Variants in CLK2 observed in about 807,000 individuals in gnomAD.
CLK2 encodes the protein dual specificity protein kinase CLK2.
A neutral mutation model predicts 73.5 loss-of-function variants in CLK2; 12 were observed. That is an observed-to-expected ratio of 0.16 (90% CI 0.10 to 0.26). The LOEUF (loss-of-function observed/expected upper bound fraction) is 0.26, where lower values mean the gene tolerates loss of function less well. Among genes scored for constraint, CLK2 ranks in the 10% least tolerant of loss-of-function variants. The pLI is 1.00. For missense variants in CLK2, 509 were observed against 688.4 expected (o/e 0.74, Z 2.92); for synonymous variants, 232 against 237.9 (o/e 0.98, Z 0.23).
Position 155,268,810 on chromosome 1 carries a change from G to C in CLK2, c.400-15C>G, listed in dbSNP as rs758606358. The C allele has an allele frequency of 1.5e-5, 24 of 1,606,400 alleles. No homozygotes were observed. Among genetic ancestry groups the C allele is most frequent in the Admixed American group, 6.7e-5 (4 of 59,936 alleles). ...CTGCTGTGCTGCTGTCGGGGGGCAGGGGGGGTCGGAGCAAGCCAGGTGTCG... is the reference window on the plus strand; with the variant it reads ...CTGCTGTGCTGCTGTCGGGGGGCAGCGGGGGTCGGAGCAAGCCAGGTGTCG... On this transcript the variant is annotated splice_polypyrimidine_tract_variant and intron_variant, in intron 3 of 12. Transcript: ENST00000368361. The surrounding 1 kb of genome is among the most constrained non-coding windows in gnomAD (Gnocchi z 5.6).
rs951322516 is a variant in CLK2 at position 155,262,978 on chromosome 1, G to A, written c.*240C>T. ...CCTCACTCGGCCCCCATCCAACTCC[G>A]TATGAGGGGGCAGGTGAGGGTGGAA... is the stretch of plus-strand genomic sequence containing the variant. On this transcript the variant is annotated 3_prime_UTR_variant, in exon 13 of 13. Coordinates refer to ENST00000368361, the MANE Select transcript of CLK2 (RefSeq NM_001294338.2). 2.3e-5 allele frequency: 10 copies of A among 439,052 alleles called. No homozygotes were observed. The Admixed American group carries it at 2.3e-4, about 10-fold the overall frequency. The allele number at this position is 439,052 out of a possible 1,614,324, so 27.2% of individuals were successfully genotyped here.
Position 155,269,511 on chromosome 1 carries a change from G to C in CLK2, c.376C>G (p.Arg126Gly). 6.2e-7 allele frequency: 1 copy of C among 1,613,868 alleles called. No individual in the cohort carries two copies. Residue 126 changes from arginine (R) to glycine (G), a missense_variant, in exon 3 of 13, where the codon CGG becomes GGG. Coordinates refer to ENST00000368361, the MANE Select transcript of CLK2 (RefSeq NM_001294338.2). ...ACCGAAGATGAGCGGCTAAATGTCC[G>C]GCTGCGCCTCCTCCGCCGTCTGTGC... ...RKHRRRRRRSRTFSRSSSQHS... is the reference protein window; with the variant it reads ...RKHRRRRRRSGTFSRSSSQHS...
At chr1:155,266,975 A>G in intron 6 of CLK2, 80 bp from the exon 7 acceptor site, 5 of 1,471,138 alleles carry the variant, frequency 3.4e-6, no homozygotes, top group Non-Finnish European at 2.8e-6. Context: ...GAGGTACTTC[A>G]TAGCTGTTGA....
In CLK2 at chr1:155,264,305, G is replaced by C. The variant is rs987867494; in HGVS notation, c.1147-5C>G. The C allele has an allele frequency of 3.7e-6, 6 of 1,614,008 alleles. No individual in the cohort carries two copies. The highest frequency in any genetic ancestry group is 1.6e-4 in the Middle Eastern group (1 of 6,084). On this transcript the variant is annotated splice_polypyrimidine_tract_variant and splice_region_variant and intron_variant, in intron 10 of 12. Coordinates refer to ENST00000368361, the MANE Select transcript of CLK2 (RefSeq NM_001294338.2). ...ATGCTCTCTGTTGTCATGGGTCTGG[G>C]AAACAAAAACAGAACTGAGCATGGG...
In CLK2 at chr1:155,268,831, T is replaced by A. The variant is rs1432096854; in HGVS notation, c.400-36A>T. The A allele has an allele frequency of 3.4e-6, 3 of 885,800 alleles. No individual in the cohort carries two copies. The highest frequency in any genetic ancestry group is 2.3e-5 in the African/African-American group (1 of 44,406). The allele number at this position is 885,800 out of a possible 1,614,324, so 54.9% of individuals were successfully genotyped here. Reference sequence around the variant, plus strand: ...GCAGGGGGGGTCGGAGCAAGCCAGGTGTCGGAGCGGGGGCCGGAGGGAGGC... The same window carrying A: ...GCAGGGGGGGTCGGAGCAAGCCAGGAGTCGGAGCGGGGGCCGGAGGGAGGC... On this transcript the variant is annotated intron_variant, in intron 3 of 12. Transcript: ENST00000368361. This position sits in a 1 kb window ranked among gnomAD's most constrained non-coding sequence, Gnocchi z 5.6.
At chr1:155,272,476 C>T (rs767675965) in intron 1 of CLK2, among the ~76,000 whole-genome samples, 42 of 151,664 alleles carry the variant, frequency 2.8e-4, no homozygotes, top group Admixed American at 2.3e-3. Context: ...TAGGAAGGCA[C>T]AATAAAATGA....
rs987310196 is a variant in CLK2 at position 155,266,055 on chromosome 1, G to C, written c.839-101C>G. ...TTACCTAGGGCAAAGCCAGTGAGGAGACAGGTCCAGAATCACTAGGGCTGC... is the reference window on the plus strand; with the variant it reads ...TTACCTAGGGCAAAGCCAGTGAGGACACAGGTCCAGAATCACTAGGGCTGC... On this transcript the variant is annotated intron_variant, in intron 7 of 12. Transcript: ENST00000368361. 6.4e-6 allele frequency: 5 copies of C among 778,040 alleles called. No individual in the cohort carries two copies. In the African/African-American group the frequency reaches 8.5e-5, roughly 13 times the overall value. The allele number at this position is 778,040 out of a possible 1,614,324, so 48.2% of individuals were successfully genotyped here.
At chr1:155,263,745 T>C (rs1307178752) in intron 12 of CLK2, 1 of 984,986 alleles carries the variant, frequency 1.0e-6, no homozygotes, top group East Asian at 1.1e-4. Flanking sequence ...TCTCTGGTTG[T>C]CTCAAGGTTA....
chr1:155,265,149 A>G (rs959249753), intron 8 of CLK2, among the ~76,000 whole-genome samples: 1 of 152,212 alleles, frequency 6.6e-6, no homozygotes, highest in African/African-American at 2.4e-5. Context: ...GAGTTTCTCT[A>G]AAAATATGTA....
At position 155,268,379 on chromosome 1, in the gene CLK2, G is replaced by C. The variant is rs751293541; in HGVS notation, c.488-20C>G. 5 of 1,611,226 alleles carry C rather than the reference G, an allele frequency of 3.1e-6. No homozygotes were observed. The highest frequency in any genetic ancestry group is 4.2e-6 in the Non-Finnish European group (5 of 1,177,528). ...TTTCATCTGAAATGAAAGAGAGCAGGGTCGGGGAGAGGGAGGGAGAGAAGG... is the reference window on the plus strand; with the variant it reads ...TTTCATCTGAAATGAAAGAGAGCAGCGTCGGGGAGAGGGAGGGAGAGAAGG... On this transcript the variant is annotated intron_variant, in intron 4 of 12. Transcript: ENST00000368361. This position sits in a 1 kb window ranked among gnomAD's most constrained non-coding sequence, Gnocchi z 5.6.
Position 155,268,458 on chromosome 1 carries a change from T to C in CLK2, c.488-99A>G, listed in dbSNP as rs1673335624. 2.1e-6 allele frequency: 2 copies of C among 970,016 alleles called. No homozygotes were observed. The highest frequency in any genetic ancestry group is 1.6e-5 in the African/African-American group (1 of 62,524). The allele number at this position is 970,016 out of a possible 1,614,324, so 60.1% of individuals were successfully genotyped here. On this transcript the variant is annotated intron_variant, in intron 4 of 12. Coordinates refer to ENST00000368361, the MANE Select transcript of CLK2 (RefSeq NM_001294338.2). This position sits in a 1 kb window ranked among gnomAD's most constrained non-coding sequence, Gnocchi z 5.6. ...AGGGGACAGCAACCTGGGGTGGAGA[T>C]GAAGGAAGGGGAACAGATACAGATG...
chr1:155,271,228 GTTC>G (rs1673492028), intron 1 of CLK2, among the ~76,000 whole-genome samples: 1 of 151,948 alleles, frequency 6.6e-6, no homozygotes, highest in Non-Finnish European at 1.5e-5. Context: ...CAGTTCAAGT[GTTC>G]TTATTTTATT....
intron 12 of CLK2, 69 bp from the exon 13 acceptor site, chr1:155,263,469 C>CCT: frequency 6.4e-7 from 1 of 1,571,824 alleles, no homozygotes; most frequent in Non-Finnish European, 8.6e-7. Flanking sequence ...CAAGACCCTA[C>CCT]CTTTCATTCT....
At chr1:155,272,871 A>G (rs1281444218) in intron 1 of CLK2, among the ~76,000 whole-genome samples, 1 of 152,192 alleles carries the variant, frequency 6.6e-6, no homozygotes, top group East Asian at 1.9e-4. Context: ...TGCATGTTCC[A>G]AGTGACACGG....
chr1:155,268,987 A>G lies in CLK2; in HGVS notation c.400-192T>C. 2 of 614,888 alleles carry G rather than the reference A, an allele frequency of 3.3e-6. No individual in the cohort carries two copies. The highest frequency in any genetic ancestry group is 2.7e-5 in the East Asian group (1 of 36,452). 38.1% of individuals were successfully genotyped at this position (614,888 alleles called of 1,614,324 possible). A position where few individuals can be genotyped will look rare whatever the true frequency, so the allele number is the denominator to read the frequency against. On this transcript the variant is annotated intron_variant, in intron 3 of 12. Coordinates refer to ENST00000368361, the MANE Select transcript of CLK2 (RefSeq NM_001294338.2). The surrounding 1 kb of genome is among the most constrained non-coding windows in gnomAD (Gnocchi z 5.6). The stretch of plus-strand genomic sequence containing the variant: ...GGTGTGAGAAGAGAGAGCGGCGCAT[A>G]ATCCCAAGTCCCCAAACCCAAAACA...
chr1:155,263,482 G>A, intron 12 of CLK2, 82 bp from the exon 13 acceptor site: 4 of 1,544,572 alleles, frequency 2.6e-6, no homozygotes, highest in Non-Finnish European at 3.5e-6. Flanking sequence ...TTCATTCTTG[G>A]AGAACCAAGG....
intron 1 of CLK2, among the ~76,000 whole-genome samples, chr1:155,272,383 T>C (rs1673555142): frequency 6.6e-6 from 1 of 152,100 alleles, no homozygotes; most frequent in Non-Finnish European, 1.5e-5. Flanking sequence ...GTTAATGGAA[T>C]TGGAATGGGA....
Position 155,268,557 on chromosome 1 carries a change from A to G in CLK2, c.487+151T>C. On this transcript the variant is annotated intron_variant, in intron 4 of 12. Coordinates refer to ENST00000368361, the MANE Select transcript of CLK2 (RefSeq NM_001294338.2). This position sits in a 1 kb window ranked among gnomAD's most constrained non-coding sequence, Gnocchi z 5.6. ...GGGGCCGTGAGAGCTGGGAGTGGACAACAGAGGTCAATTCTCAACAGCAAC... is the reference window on the plus strand; with the variant it reads ...GGGGCCGTGAGAGCTGGGAGTGGACGACAGAGGTCAATTCTCAACAGCAAC... The G allele has an allele frequency of 2.4e-6, 2 of 824,584 alleles. No homozygotes were observed. Among genetic ancestry groups the G allele is most frequent in the Admixed American group, 1.9e-5 (1 of 52,024 alleles). The allele number at this position is 824,584 out of a possible 1,614,324, so 51.1% of individuals were successfully genotyped here.
intron 11 of CLK2, 72 bp downstream of exon 11, chr1:155,264,149 A>C: frequency 6.3e-7 from 1 of 1,584,684 alleles, no homozygotes; most frequent in African/African-American, 1.3e-5. Context: ...AGAAAAAAGA[A>C]AATGATGTGA....
Sources: gnomAD v4.1 joint callset for allele counts (sites outside exome capture counted in the v4.1 genomes callset) on GRCh38, gnomAD v4.1.1 for gene constraint, Gnocchi (gnomAD v3.1) non-coding constraint, MANE v1.5 for transcripts, NCBI Gene and HGNC (gene_info 2026-07-23, HGNC 2026-07-21) for gene names.